The following PHB1 variants were observed in gnomAD, a reference collection of about 807,000 sequenced individuals.
PHB1 encodes the protein prohibitin 1.
the PHB1 span, among the ~76,000 whole-genome samples, chr17:49,409,849 T>A: frequency 6.6e-6 from 1 of 150,882 alleles, no homozygotes; most frequent in African/African-American, 2.4e-5. Context: ...AGTGGTCTTT[T>A]ATATGACCTC....
At chr17:49,412,926 C>A in the PHB1 span, 59 of 423,964 alleles carry the variant, frequency 1.4e-4, 1 homozygote, top group African/African-American at 1.1e-3. Flanking sequence ...ACAGAAGCCA[C>A]TGGACACATC....
chr17:49,413,124 C>T, the PHB1 span: 1 of 1,338,814 alleles, frequency 7.5e-7, no homozygotes, highest in Non-Finnish European at 1.1e-6. Context: ...CTATGCAGAC[C>T]AACAGAAAAC....
At chr17:49,405,376 C>T in the PHB1 span, among the ~76,000 whole-genome samples, 1 of 152,170 alleles carries the variant, frequency 6.6e-6, no homozygotes, top group Non-Finnish European at 1.5e-5. Flanking sequence ...GCACATTGCC[C>T]ACCAGTCCTC....
At chr17:49,408,739 C>T in the PHB1 span, 1 of 263,996 alleles carries the variant, frequency 3.8e-6, no homozygotes, top group Non-Finnish European at 7.2e-6. Flanking sequence ...CTGTGTCAAA[C>T]AGGGTTAACA....
chr17:49,409,444 T>C, the PHB1 span: 1 of 1,609,924 alleles, frequency 6.2e-7, no homozygotes, highest in South Asian at 1.1e-5. Flanking sequence ...CGGAAGAGGA[T>C]GCGCAGTGTG....
chr17:49,407,830 C>T, the PHB1 span, among the ~76,000 whole-genome samples: 3 of 152,180 alleles, frequency 2.0e-5, no homozygotes, highest in Non-Finnish European at 4.4e-5. Flanking sequence ...TGTACTTCGC[C>T]TGATCCATTT....
At chr17:49,409,432 G>C in the PHB1 span, 64 of 1,613,966 alleles carry the variant, frequency 4.0e-5, no homozygotes, top group Non-Finnish European at 5.3e-5. Flanking sequence ...CTGGCGACAG[G>C]CCGGAAGAGG....
At chr17:49,408,815 T>A in the PHB1 span, 1 of 515,262 alleles carries the variant, frequency 1.9e-6, no homozygotes, top group East Asian at 3.3e-5. Flanking sequence ...ACTATCTGGA[T>A]ACAACCAGAG....
the PHB1 span, chr17:49,414,186 A>G: frequency 1.3e-5 from 2 of 152,322 alleles, no homozygotes; most frequent in Admixed American, 6.5e-5. Flanking sequence ...TGCAGTTATT[A>G]AGTGGTAGAA....
chr17:49,406,645 T>C, the PHB1 span: 100 of 780,160 alleles, frequency 1.3e-4, 1 homozygote, highest in South Asian at 1.4e-3. Context: ...CCCTTCTGAT[T>C]ATCCCGGAAG....
At chr17:49,413,318 C>G in the PHB1 span, 285 of 1,309,228 alleles carry the variant, frequency 2.2e-4, no homozygotes, top group Admixed American at 1.3e-3. Flanking sequence ...AAAATACAAT[C>G]AAACTTGATG....
the PHB1 span, among the ~76,000 whole-genome samples, chr17:49,405,901 G>A: frequency 6.6e-6 from 1 of 152,216 alleles, no homozygotes; most frequent in Middle Eastern, 3.2e-3. Context: ...CACCCAGAGT[G>A]AGATCTCCTA....
chr17:49,406,032 C>G, the PHB1 span, among the ~76,000 whole-genome samples: 1 of 152,158 alleles, frequency 6.6e-6, no homozygotes, highest in Admixed American at 6.5e-5. Context: ...AATGACTGGG[C>G]CCTGCGTCTA....
At chr17:49,409,430 A>C in the PHB1 span, 1 of 1,610,914 alleles carries the variant, frequency 6.2e-7, no homozygotes, top group Non-Finnish European at 8.5e-7. Flanking sequence ...GGCTGGCGAC[A>C]GGCCGGAAGA....
chr17:49,405,315 G>A, the PHB1 span: 5 of 889,122 alleles, frequency 5.6e-6, no homozygotes, highest in South Asian at 1.6e-5. Flanking sequence ...GAAGGAACTC[G>A]GGGAGTTTAC....
At chr17:49,413,267 T>G in the PHB1 span, 1 of 1,603,820 alleles carries the variant, frequency 6.2e-7, no homozygotes, top group Non-Finnish European at 8.5e-7. Flanking sequence ...GCAGCCATGT[T>G]TCCTTCTGCT....
the PHB1 span, chr17:49,411,569 A>T: frequency 1.1e-6 from 1 of 915,222 alleles, no homozygotes; most frequent in Non-Finnish European, 1.7e-6. Flanking sequence ...TATGATGTAC[A>T]GTTCAAACTC....
the PHB1 span, chr17:49,405,054 G>T: frequency 6.3e-7 from 1 of 1,590,362 alleles, no homozygotes; most frequent in South Asian, 1.1e-5. Flanking sequence ...TTCCGAGAGC[G>T]TGAGAGCTGG....
the PHB1 span, among the ~76,000 whole-genome samples, chr17:49,410,671 C>T: frequency 2.6e-5 from 4 of 152,190 alleles, no homozygotes; most frequent in Non-Finnish European, 4.4e-5. Flanking sequence ...CGGTGTTAGA[C>T]TATCAGTCCA....
Sources: allele counts gnomAD v4.1 joint callset (sites outside exome capture counted in the v4.1 genomes callset), GRCh38; gene constraint gnomAD v4.1.1; transcripts MANE v1.5; gene names NCBI Gene and HGNC (gene_info 2026-07-23, HGNC 2026-07-21).